The following GOLGA3 variants were observed in gnomAD, a reference collection of about 807,000 sequenced individuals.
GOLGA3 encodes the protein golgin A3, also known as golgin subfamily A member 3.
A neutral mutation model predicts 169.4 loss-of-function variants in GOLGA3; 75 were observed. That is an observed-to-expected ratio of 0.44 (90% CI 0.37 to 0.54). GOLGA3 has a LOEUF of 0.54. Ranked by LOEUF, GOLGA3 falls within the 20% of genes least tolerant of loss-of-function variation. The pLI, the probability that GOLGA3 is intolerant of heterozygous loss-of-function variation, is 0.00. For synonymous variants in GOLGA3, 824 were observed against 822.4 expected (o/e 1.00, Z -0.03); for missense variants, 1,899 against 1,930.0 (o/e 0.98, Z 0.30).
At chr12:132,794,188 G>A (rs1409154406) in intron 11 of GOLGA3, among the ~76,000 whole-genome samples, 2 of 152,150 alleles carry the variant, frequency 1.3e-5, no homozygotes, top group African/African-American at 4.8e-5. Context: ...CAGCCCCCAC[G>A]TGGATACTGC....
intron 11 of GOLGA3, among the ~76,000 whole-genome samples, chr12:132,792,350 G>A (rs1366005931): frequency 6.6e-6 from 1 of 152,236 alleles, no homozygotes; most frequent in South Asian, 2.1e-4. Context: ...CAGGCTGCAC[G>A]TCAGTCACAG....
intron 13 of GOLGA3, among the ~76,000 whole-genome samples, chr12:132,788,378 T>C (rs954152204): frequency 6.6e-6 from 1 of 152,196 alleles, no homozygotes; most frequent in Non-Finnish European, 1.5e-5. Flanking sequence ...GTTGCTCTCC[T>C]GATTTCTCGT....
intron 18 of GOLGA3, among the ~76,000 whole-genome samples, chr12:132,780,120 T>TACAC (rs1224700378): frequency 3.3e-4 from 8 of 23,898 alleles, no homozygotes; most frequent in Non-Finnish European, 9.3e-4. Context: ...GCCCCCCGCG[T>TACAC]GCACACACCC....
intron 4 of GOLGA3, among the ~76,000 whole-genome samples, chr12:132,812,622 G>A (rs971874494): frequency 6.6e-6 from 1 of 152,210 alleles, no homozygotes; most frequent in Non-Finnish European, 1.5e-5. Context: ...TGGAGAACTT[G>A]ACTGCAGATG....
intron 13 of GOLGA3, 70 bp downstream of exon 13, chr12:132,788,957 G>GCCCCC: frequency 2.0e-6 from 2 of 1,015,526 alleles, no homozygotes; most frequent in Non-Finnish European, 2.8e-6. Flanking sequence ...CCAGACACAG[G>GCCCCC]CCCCACCCTC....
chr12:132,808,220 A>G lies in GOLGA3; in HGVS notation c.849T>C (p.Val283=). Reference sequence around the variant, plus strand: ...CGGGGGACAGGCTGATCTCAGACACAACGGACGCCGCACTGCTTCTGTTCT... The same window carrying G: ...CGGGGGACAGGCTGATCTCAGACACGACGGACGCCGCACTGCTTCTGTTCT... ...LKQNRSSAAS[V]VSEISLSPDT... The change falls in exon 5 of 24, where the codon GTT becomes GTC. Residue 283 remains valine (V), a synonymous_variant. Transcript: ENST00000450791. 7 of 1,613,848 alleles carry G rather than the reference A, an allele frequency of 4.3e-6. No homozygotes were observed. Among genetic ancestry groups the G allele is most frequent in the Non-Finnish European group, 5.9e-6 (7 of 1,179,902 alleles).
intron 6 of GOLGA3, among the ~76,000 whole-genome samples, chr12:132,805,975 G>A (rs534474750): frequency 2.3e-4 from 35 of 152,292 alleles, no homozygotes; most frequent in African/African-American, 8.4e-4. Flanking sequence ...CAGAGCCACG[G>A]GACACAGCAC....
At position 132,806,556 on chromosome 12, in the gene GOLGA3, C is replaced by T. The variant is rs371303087; in HGVS notation, c.1290+621G>A. ...TGTGAGCAGCTCCAGCCCTGCTCTGCGGCCTCGCAGGCCACAGGAGGCTCC... is the reference window on the plus strand; with the variant it reads ...TGTGAGCAGCTCCAGCCCTGCTCTGTGGCCTCGCAGGCCACAGGAGGCTCC... On this transcript the variant is annotated intron_variant, in intron 6 of 23. Transcript: ENST00000450791. Among the ~76,000 whole-genome samples the T allele has an allele frequency of 1.7e-4, 26 of 152,238 alleles. No individual in the cohort carries two copies. In the East Asian group the frequency reaches 2.5e-3, roughly 15 times the overall value.
At chr12:132,821,235 C>T (rs1248550177) in intron 2 of GOLGA3, among the ~76,000 whole-genome samples, 1 of 150,984 alleles carries the variant, frequency 6.6e-6, no homozygotes, top group East Asian at 1.9e-4. Context: ...GGAGAAACCT[C>T]ATCTCTACTA....
At chr12:132,810,296 A>G (rs1949636674) in intron 4 of GOLGA3, among the ~76,000 whole-genome samples, 1 of 152,106 alleles carries the variant, frequency 6.6e-6, no homozygotes, top group Non-Finnish European at 1.5e-5. Flanking sequence ...CTGTTGAACT[A>G]TAACCACCTT....
rs184476668 is a variant in GOLGA3 at position 132,823,572 on chromosome 12, G to A, written c.-183-1261C>T. 4.5e-4 allele frequency among the ~76,000 whole-genome samples: 68 copies of A among 152,274 alleles called. 1 individual carries two copies. The East Asian group carries it at 0.011, about 25-fold the overall frequency. The stretch of plus-strand genomic sequence containing the variant: ...AGGCCAAGGCGGGCGGATCACCTGC[G>A]GTCAGGAGTTTGAGACCAGCCTGGC... On this transcript the variant is annotated intron_variant, in intron 1 of 23. Coordinates refer to ENST00000450791, the MANE Select transcript of GOLGA3 (RefSeq NM_001389683.1).
At chr12:132,816,944 C>T (rs1234204087) in intron 2 of GOLGA3, 132 bp from the exon 3 acceptor site, 2 of 877,698 alleles carry the variant, frequency 2.3e-6, no homozygotes, top group Non-Finnish European at 3.4e-6. Flanking sequence ...CCCACAAAGG[C>T]TTCACTCTGA....
At chr12:132,787,583 CTCCCCAGAACCCCT>C (rs2045967855) in intron 13 of GOLGA3, among the ~76,000 whole-genome samples, 2 of 137,260 alleles carry the variant, frequency 1.5e-5, no homozygotes, top group South Asian at 2.5e-4. Context: ...CCCGGGACCC[CTCCCCAGAACCCCT>C]GGGACCCTTC....
chr12:132,783,664 C>T (rs948169512), intron 16 of GOLGA3, among the ~76,000 whole-genome samples: 11 of 152,176 alleles, frequency 7.2e-5, no homozygotes, highest in South Asian at 2.1e-4. Flanking sequence ...CTGCAACCTC[C>T]GCTCCTGGGT....
intron 2 of GOLGA3, among the ~76,000 whole-genome samples, chr12:132,820,982 C>G (rs1291058418): frequency 6.6e-6 from 1 of 151,058 alleles, no homozygotes; most frequent in African/African-American, 2.4e-5. Flanking sequence ...TGCCTGTAGT[C>G]CCAGCTACTC....
chr12:132,824,828 G>A (rs541854916), intron 1 of GOLGA3, among the ~76,000 whole-genome samples: 1 of 152,198 alleles, frequency 6.6e-6, no homozygotes, highest in East Asian at 1.9e-4. Flanking sequence ...TCACTTTCCA[G>A]GAAAAACACT....
At position 132,786,355 on chromosome 12, in the gene GOLGA3, C is replaced by T. The variant is rs1273316583; in HGVS notation, c.3107G>A (p.Ser1036Asn). ...QLRAQGGSSD[S>N]SLALHERIQA... The stretch of plus-strand genomic sequence containing the variant: ...GTTACCTACATGTAGAGCCAGGCTG[C>T]TGTCACTGCTGCCACCCTGGGCTCG... The change falls in exon 15 of 24, where the codon AGC becomes AAC. Residue 1036 changes from serine (S) to asparagine (N), a missense_variant. Ser to Asn is a conservative substitution (Grantham distance 46, BLOSUM62 1). Transcript: ENST00000450791. 1.2e-6 allele frequency: 2 copies of T among 1,603,480 alleles called. No homozygotes were observed. The highest frequency in any genetic ancestry group is 1.7e-5 in the Admixed American group (1 of 59,104).
chr12:132,815,729 C>G (rs1369863008), intron 3 of GOLGA3, among the ~76,000 whole-genome samples: 1 of 152,046 alleles, frequency 6.6e-6, no homozygotes, highest in Non-Finnish European at 1.5e-5. Flanking sequence ...GACCCCGTTT[C>G]TACACACACA....
chr12:132,803,034 A>G (rs370391657), intron 7 of GOLGA3, among the ~76,000 whole-genome samples: 54 of 151,978 alleles, frequency 3.6e-4, no homozygotes, highest in African/African-American at 1.3e-3. Context: ...CAGCCTGGGC[A>G]ACAAGAGTGA....
Sources: allele counts gnomAD v4.1 joint callset (sites outside exome capture counted in the v4.1 genomes callset), GRCh38; gene constraint gnomAD v4.1.1; transcripts MANE v1.5; gene names NCBI Gene and HGNC (gene_info 2026-07-23, HGNC 2026-07-21).